Variants in NHS observed in about 807,000 individuals in gnomAD.
NHS encodes NHS actin remodeling regulator, also known as actin remodeling regulator NHS.
NHS carries 5 observed loss-of-function variants against 72.5 expected under a neutral mutation model. The ratio of observed to expected loss-of-function variants is 0.07; its 90% CI spans 0.04 to 0.14. The LOEUF (loss-of-function observed/expected upper bound fraction) is 0.14. Ranked by LOEUF, NHS falls within the 10% of genes least tolerant of loss-of-function variation. The probability of loss-of-function intolerance (pLI) is 1.00; values close to 1 mark genes in which losing one functional copy is unlikely to be tolerated. For synonymous variants in NHS, 464 were observed against 547.7 expected (o/e 0.85, Z 2.13); for missense variants, 1,072 against 1,355.7 (o/e 0.79, Z 3.29).
At chrX:17,552,897 A>T (rs1008186741) in intron 1 of NHS, among the ~76,000 whole-genome samples, 4 of 113,077 alleles carry the variant, frequency 3.5e-5, no homozygotes, top group African/African-American at 1.3e-4. Flanking sequence ...CCACGTGCAC[A>T]TTAGTGCTTG....
intron 1 of NHS, among the ~76,000 whole-genome samples, chrX:17,397,465 TG>T (rs1470619073): frequency 1.8e-5 from 2 of 111,614 alleles, no homozygotes; most frequent in South Asian, 3.9e-4. Flanking sequence ...GGGGAGAGGC[TG>T]GCTGGCATTT....
chrX:17,534,921 C>T (rs2065216114), intron 1 of NHS, among the ~76,000 whole-genome samples: 1 of 111,514 alleles, frequency 9.0e-6, no homozygotes, highest in African/African-American at 3.3e-5. Context: ...CCCAGAGTGC[C>T]TGGGGATTAA....
chrX:17,480,752 A>G (rs760297113), intron 1 of NHS, among the ~76,000 whole-genome samples: 1 of 112,330 alleles, frequency 8.9e-6, no homozygotes, highest in South Asian at 3.7e-4. Context: ...AAACTTTTCT[A>G]TTGAAGTGCT....
chrX:17,592,010 ATGTGTGTGTG>A (rs57852279), intron 1 of NHS, among the ~76,000 whole-genome samples: 1 of 104,749 alleles, frequency 9.5e-6, no homozygotes, highest in Non-Finnish European at 2.0e-5. Context: ...TGGTCCACTG[ATGTGTGTGTG>A]TGTGTGTGTG....
intron 1 of NHS, among the ~76,000 whole-genome samples, chrX:17,527,114 G>A (rs1410797742): frequency 8.9e-6 from 1 of 112,761 alleles, no homozygotes; most frequent in Admixed American, 9.3e-5. Flanking sequence ...TGTTGGGCTT[G>A]TTTCCAAGGT....
intron 1 of NHS, among the ~76,000 whole-genome samples, chrX:17,443,297 C>T (rs2064764635): frequency 2.7e-5 from 3 of 112,286 alleles, no homozygotes; most frequent in Non-Finnish European, 5.6e-5. Context: ...ATGTCTTTCT[C>T]TTGGCATGGT....
intron 1 of NHS, among the ~76,000 whole-genome samples, chrX:17,582,347 C>T (rs2065548133): frequency 8.9e-6 from 1 of 112,065 alleles, no homozygotes; most frequent in South Asian, 3.7e-4. Flanking sequence ...TGTTTCTTGT[C>T]ACTGAAGAGG....
chrX:17,527,916 A>G (rs890292905), intron 1 of NHS, among the ~76,000 whole-genome samples: 1 of 171 alleles, frequency 5.8e-3, no homozygotes, highest in Non-Finnish European at 0.012. Flanking sequence ...GACTATACCC[A>G]CTGTCTTATC....
chrX:17,493,098 A>G (rs1029635181), intron 1 of NHS, among the ~76,000 whole-genome samples: 2 of 111,763 alleles, frequency 1.8e-5, no homozygotes, highest in African/African-American at 3.3e-5. Context: ...TTTCCTAGGC[A>G]CCTATGAACC....
intron 1 of NHS, among the ~76,000 whole-genome samples, chrX:17,516,666 A>T (rs1258663861): frequency 9.2e-6 from 1 of 108,801 alleles, no homozygotes; most frequent in African/African-American, 3.4e-5. Flanking sequence ...TGAGGAGTGT[A>T]CAGGAGGGGA....
intron 1 of NHS, among the ~76,000 whole-genome samples, chrX:17,546,815 A>G (rs2065295890): frequency 8.9e-6 from 1 of 112,562 alleles, no homozygotes; most frequent in African/African-American, 3.2e-5. Context: ...TTTCTCATTG[A>G]AGAAAAATGA....
At position 17,718,670 on chromosome X, in the gene NHS, GGAA is replaced by G. The variant is rs780806325; in HGVS notation, c.853-669_853-667del. 1.9e-4 allele frequency among the ~76,000 whole-genome samples: 18 copies of G among 92,456 alleles called. No individual in the cohort carries two copies. In the East Asian group the frequency reaches 3.4e-3, roughly 18 times the overall value. The allele number at this position is 92,456 out of a possible 115,157, so 80.3% of individuals were successfully genotyped here. ...AGAAGGAAGGAAGGGAAGTAGGAAA[GGAA>G]GAAGGAAAGCAAAAAGGAAGAAGGA... On this transcript the variant is annotated intron_variant, in intron 3 of 8. Transcript: ENST00000676302.
chrX:17,568,517 A>C (rs1446421160), intron 1 of NHS, among the ~76,000 whole-genome samples: 1 of 107,904 alleles, frequency 9.3e-6, no homozygotes, highest in East Asian at 2.9e-4. Context: ...ATTCTAAGTA[A>C]ATCTTTTTTT....
At chrX:17,700,418 C>A (rs2066255721) in intron 3 of NHS, among the ~76,000 whole-genome samples, 1 of 106,314 alleles carries the variant, frequency 9.4e-6, no homozygotes, top group Non-Finnish European at 1.9e-5. Context: ...GCACTCCAGC[C>A]TGGGTGACAG....
chrX:17,455,658 G>A (rs1169330577), intron 1 of NHS, among the ~76,000 whole-genome samples: 1 of 112,031 alleles, frequency 8.9e-6, no homozygotes, highest in Non-Finnish European at 1.9e-5. Context: ...ACGAACACAC[G>A]AGCAAATGGA....
intron 1 of NHS, among the ~76,000 whole-genome samples, chrX:17,637,448 C>T (rs970213740): frequency 9.0e-6 from 1 of 111,247 alleles, no homozygotes; most frequent in East Asian, 2.8e-4. Flanking sequence ...TTTTTTGAAG[C>T]TGCTGGCGTG....
intron 5 of NHS, 107 bp from the exon 6 acceptor site, chrX:17,724,191 TA>T (rs1382909428): frequency 1.9e-6 from 2 of 1,029,862 alleles, no homozygotes; most frequent in Admixed American, 4.4e-5. Context: ...TTCACAGGCT[TA>T]ACCCAAACTC....
chrX:17,512,108 T>G (rs2065091856), intron 1 of NHS, among the ~76,000 whole-genome samples: 1 of 111,764 alleles, frequency 8.9e-6, no homozygotes, highest in African/African-American at 3.3e-5. Flanking sequence ...TGCTTCTATA[T>G]TTCCTTACGA....
intron 1 of NHS, among the ~76,000 whole-genome samples, chrX:17,421,295 G>A (rs150576180): frequency 5.0e-4 from 55 of 109,315 alleles, no homozygotes; most frequent in African/African-American, 1.8e-3. Context: ...GACAGACCTG[G>A]TCTCTCAGAC....
Sources: allele counts gnomAD v4.1 joint callset (sites outside exome capture counted in the v4.1 genomes callset), GRCh38; gene constraint gnomAD v4.1.1; transcripts MANE v1.5; gene names NCBI Gene and HGNC (gene_info 2026-07-23, HGNC 2026-07-21).